The following ATP2B2 variants were observed in gnomAD, a reference collection of about 807,000 sequenced individuals.
ATP2B2 encodes the protein ATPase plasma membrane Ca2+ transporting 2.
ATP2B2 carries 15 observed loss-of-function variants against 120.0 expected under a neutral mutation model. The observed-to-expected ratio is 0.12, with a 90% CI of 0.08 to 0.19. ATP2B2 has a LOEUF of 0.19. Among genes scored for constraint, ATP2B2 ranks in the 10% least tolerant of loss-of-function variants. The pLI is 1.00. For missense variants in ATP2B2, 1,045 were observed against 1,719.8 expected, an observed-to-expected ratio of 0.61 and a Z score of 6.94; for synonymous variants, 694 against 700.3, an observed-to-expected ratio of 0.99 and a Z score of 0.14.
intron 2 of ATP2B2, among the ~76,000 whole-genome samples, chr3:10,417,481 G>A (rs574058161): frequency 2.6e-5 from 4 of 152,224 alleles, no homozygotes; most frequent in Non-Finnish European, 5.9e-5. Flanking sequence ...GGCCCACAAT[G>A]GGTGTCCTGC....
At chr3:10,527,087 G>A (rs897838525) in intron 3 of ATP2B2, among the ~76,000 whole-genome samples, 1 of 152,166 alleles carries the variant, frequency 6.6e-6, no homozygotes, top group South Asian at 2.1e-4. Flanking sequence ...ACTCCAATCT[G>A]TCTGACTCAG....
At position 10,582,845 on chromosome 3, in the gene ATP2B2, C is replaced by T. The variant is rs543868474; in HGVS notation, c.-415+37072G>A. Reference sequence around the variant, plus strand: ...CCACACAAGACACCAAGGGCAGCCACACCACATGGCTCCAGCTGGTACCAT... The same window carrying T: ...CCACACAAGACACCAAGGGCAGCCATACCACATGGCTCCAGCTGGTACCAT... On this transcript the variant is annotated intron_variant, in intron 2 of 21. Transcript: ENST00000646379. Among the ~76,000 whole-genome samples, 35 of 152,344 alleles carry T rather than the reference C, an allele frequency of 2.3e-4. 1 individual carries two copies. The highest frequency in any genetic ancestry group is 1.2e-3 in the South Asian group (6 of 4,824).
At chr3:10,706,576 C>T (rs2071899726) in intron 1 of ATP2B2, among the ~76,000 whole-genome samples, 1 of 152,168 alleles carries the variant, frequency 6.6e-6, no homozygotes, top group African/African-American at 2.4e-5. Flanking sequence ...TACCAGCCCA[C>T]ACAGAGAAGA....
At chr3:10,456,008 T>C (rs1454728029) in intron 1 of ATP2B2, among the ~76,000 whole-genome samples, 1 of 152,258 alleles carries the variant, frequency 6.6e-6, no homozygotes, top group African/African-American at 2.4e-5. Context: ...TTACTCTGTA[T>C]TGTTACATTT....
intron 2 of ATP2B2, among the ~76,000 whole-genome samples, chr3:10,561,215 C>T (rs1416368028): frequency 6.6e-6 from 1 of 152,194 alleles, no homozygotes; most frequent in Admixed American, 6.5e-5. Flanking sequence ...TATACGATTA[C>T]ACCCTCAGAA....
intron 3 of ATP2B2, among the ~76,000 whole-genome samples, chr3:10,408,671 C>A (rs755541137): frequency 1.8e-4 from 28 of 152,288 alleles, no homozygotes; most frequent in Non-Finnish European, 4.1e-4. Flanking sequence ...CAAGTCCTTC[C>A]CCTCTCTGGG....
intron 14 of ATP2B2, among the ~76,000 whole-genome samples, chr3:10,355,468 C>T (rs2125430172): frequency 6.6e-6 from 1 of 152,268 alleles, no homozygotes; most frequent in Admixed American, 6.5e-5. Flanking sequence ...GAGGGTAAGT[C>T]TTCCAGTCAA....
chr3:10,460,137 CGGAGGTCAGTGCTGG>C (rs1425904440), intron 1 of ATP2B2, among the ~76,000 whole-genome samples: 1 of 152,154 alleles, frequency 6.6e-6, no homozygotes, highest in African/African-American at 2.4e-5. Context: ...GATGGATGGA[CGGAGGTCAGTGCTGG>C]GGAGGGATTG....
chr3:10,591,071 T>A lies in ATP2B2; in HGVS notation c.-415+28846A>T, dbSNP rs757301921. Reference sequence around the variant, plus strand: ...ATCCCCTGCTTGCCTACAACTGGAATAACTACAGTGCTGGTGACCCCTAAG... The same window carrying A: ...ATCCCCTGCTTGCCTACAACTGGAAAAACTACAGTGCTGGTGACCCCTAAG... On this transcript the variant is annotated intron_variant, in intron 2 of 21. Transcript: ENST00000646379. Among the ~76,000 whole-genome samples, 14 of 151,866 alleles carry A rather than the reference T, an allele frequency of 9.2e-5. 1 individual carries two copies. The highest frequency in any genetic ancestry group is 1.5e-5 in the Non-Finnish European group (1 of 68,000).
At chr3:10,559,351 T>C (rs1376649049) in intron 2 of ATP2B2, among the ~76,000 whole-genome samples, 1 of 152,190 alleles carries the variant, frequency 6.6e-6, no homozygotes, top group East Asian at 1.9e-4. Flanking sequence ...TAACAATAAC[T>C]TATTGCACAT....
rs1032401054 is a variant in ATP2B2, at chr3:10,326,778, G to C, written c.*2036C>G. ...CCAGGAGGATTTTGCCAGGTGGGAT[G>C]GGCTGACTTTGAACCCCAAACCCTC... On this transcript the variant is annotated 3_prime_UTR_variant, in exon 23 of 23. Transcript: ENST00000360273. 2 of 398,884 alleles carry C rather than the reference G, an allele frequency of 5.0e-6. No homozygotes were observed. Among genetic ancestry groups the C allele is most frequent in the Non-Finnish European group, 8.8e-6 (2 of 226,068 alleles). 24.7% of individuals were successfully genotyped at this position (398,884 alleles called of 1,614,324 possible). A position where few individuals can be genotyped will look rare whatever the true frequency, so the allele number is the denominator to read the frequency against.
intron 17 of ATP2B2, 75 bp from the exon 18 acceptor site, chr3:10,345,650 C>T (rs886711170): frequency 5.0e-5 from 70 of 1,394,084 alleles, no homozygotes; most frequent in Non-Finnish European, 6.9e-5. Flanking sequence ...CATCCTCACT[C>T]CCTCCACTTC....
rs1245896329 is a variant in ATP2B2, at chr3:10,324,153, C to T, written c.*4661G>A. ...AGAGTGTACAATAAGAGCACAGTCA[C>T]TTCCCAGCCCCGATTGTCCCAGAGC... On this transcript the variant is annotated 3_prime_UTR_variant, in exon 23 of 23. Transcript: ENST00000360273. The T allele has an allele frequency of 6.6e-6, 1 of 152,150 alleles. No individual in the cohort carries two copies. Among genetic ancestry groups the T allele is most frequent in the Non-Finnish European group, 1.5e-5 (1 of 68,016 alleles). 9.4% of individuals were successfully genotyped at this position (152,150 alleles called of 1,614,324 possible). A position where few individuals can be genotyped will look rare whatever the true frequency, so the allele number is the denominator to read the frequency against.
At chr3:10,441,653 C>T (rs2063670994) in intron 2 of ATP2B2, among the ~76,000 whole-genome samples, 3 of 152,216 alleles carry the variant, frequency 2.0e-5, no homozygotes, top group South Asian at 4.1e-4. Flanking sequence ...CAGACACTGC[C>T]CCTGAGAAAG....
intron 3 of ATP2B2, among the ~76,000 whole-genome samples, chr3:10,519,508 C>A (rs1575451603): frequency 6.6e-6 from 1 of 152,298 alleles, no homozygotes; most frequent in East Asian, 1.9e-4. Flanking sequence ...GCAGGGCAGG[C>A]TGGCATCTGA....
Position 10,342,878 on chromosome 3 carries a change from T to A in ATP2B2, c.2791A>T (p.Thr931Ser). Residue 931 changes from threonine (T) to serine (S), a missense_variant, in exon 19 of 23, where the codon ACG (threonine) becomes TCG (serine). Coordinates refer to ENST00000360273, the MANE Select transcript of ATP2B2 (RefSeq NM_001001331.4). The surrounding 1 kb of genome is among the most constrained non-coding windows in gnomAD (Gnocchi z 4.4). Reference sequence around the variant, plus strand: ...GGCTTCCTCAGCAGCAGGGTCTCCGTGGGCGGCTCAGTGGCCAGTGCCAGC... The same window carrying A: ...GGCTTCCTCAGCAGCAGGGTCTCCGAGGGCGGCTCAGTGGCCAGTGCCAGC... ...ASLALATEPP[T>S]ETLLLRKPYG... 6.2e-7 allele frequency: 1 copy of A among 1,614,050 alleles called. No individual in the cohort carries two copies. The highest frequency in any genetic ancestry group is 8.5e-7 in the Non-Finnish European group (1 of 1,179,988).
chr3:10,548,493 T>G (rs2067598266), intron 2 of ATP2B2, among the ~76,000 whole-genome samples: 1 of 152,212 alleles, frequency 6.6e-6, no homozygotes, highest in Non-Finnish European at 1.5e-5. Context: ...CTCTGTTCCC[T>G]CTCAGCTAAT....
At chr3:10,371,443 T>G (rs1288352098) in intron 12 of ATP2B2, among the ~76,000 whole-genome samples, 1 of 152,204 alleles carries the variant, frequency 6.6e-6, no homozygotes, top group African/African-American at 2.4e-5. Flanking sequence ...CCAGCTTGAA[T>G]TGCTGACTCA....
At chr3:10,540,078 CAAA>C (rs1559448286) in intron 2 of ATP2B2, among the ~76,000 whole-genome samples, 4 of 151,318 alleles carry the variant, frequency 2.6e-5, no homozygotes, top group Admixed American at 6.6e-5. Flanking sequence ...AGACATTTCT[CAAA>C]AGAAGACATT....
Sources: allele counts gnomAD v4.1 joint callset (sites outside exome capture counted in the v4.1 genomes callset), GRCh38; gene constraint gnomAD v4.1.1; non-coding constraint Gnocchi (gnomAD v3.1); transcripts MANE v1.5; gene names NCBI Gene and HGNC (gene_info 2026-07-23, HGNC 2026-07-21).